The following AK2 variants were observed in gnomAD, a reference collection of about 807,000 sequenced individuals.
AK2 encodes the protein adenylate kinase 2.
In AK2, 15 loss-of-function variants were observed where a neutral mutation model predicts 24.6. The observed-to-expected ratio is 0.61, with a 90% CI of 0.41 to 0.94. The LOEUF (loss-of-function observed/expected upper bound fraction) is 0.94, where lower values mean the gene tolerates loss of function less well. Among genes scored for constraint, AK2 ranks in the 40% least tolerant of loss-of-function variants. The probability of loss-of-function intolerance (pLI) is 0.00; values close to 1 mark genes in which losing one functional copy is unlikely to be tolerated. For missense variants in AK2, 257 were observed against 304.1 expected, an observed-to-expected ratio of 0.85 and a Z score of 1.15; for synonymous variants, 102 against 114.0, an observed-to-expected ratio of 0.90 and a Z score of 0.67.
At position 33,011,593 on chromosome 1, in the gene AK2, T is replaced by C; in HGVS notation, c.*1588A>G. 1 of 1,287,894 alleles carries C rather than the reference T, an allele frequency of 7.8e-7. No individual in the cohort carries two copies. Among genetic ancestry groups the C allele is most frequent in the Non-Finnish European group, 1.0e-6 (1 of 989,294 alleles). 79.8% of individuals were successfully genotyped at this position (1,287,894 alleles called of 1,614,324 possible). A position where few individuals can be genotyped will look rare whatever the true frequency, so the allele number is the denominator to read the frequency against. Reference sequence around the variant, plus strand: ...GCACTTTAGAGTCCACTGAATCGAGTCAGCAGCAGATTATGCTGAGGCTGG... The same window carrying C: ...GCACTTTAGAGTCCACTGAATCGAGCCAGCAGCAGATTATGCTGAGGCTGG... On this transcript the variant is annotated 3_prime_UTR_variant, in exon 6 of 6. Coordinates refer to ENST00000672715, the MANE Select transcript of AK2 (RefSeq NM_001625.4).
intron 1 of AK2, among the ~76,000 whole-genome samples, chr1:33,026,257 G>A (rs1467223579): frequency 6.6e-6 from 1 of 152,034 alleles, no homozygotes; most frequent in Non-Finnish European, 1.5e-5. Context: ...GGAGTGCAGT[G>A]GCACGATCAC....
chr1:33,024,580 A>T lies in AK2; in HGVS notation c.94-13T>A. ...CCAATCTGGGTGCCTACAGAGAGGA[A>T]GACAAAAACCAAGATTCAATTACAT... On this transcript the variant is annotated splice_polypyrimidine_tract_variant and intron_variant, in intron 1 of 5. Transcript: ENST00000672715. 1.2e-5 allele frequency: 19 copies of T among 1,614,150 alleles called. No homozygotes were observed. The highest frequency in any genetic ancestry group is 1.6e-5 in the Non-Finnish European group (19 of 1,179,978).
At chr1:33,020,875 A>G (rs1179002982) in intron 4 of AK2, among the ~76,000 whole-genome samples, 1 of 149,490 alleles carries the variant, frequency 6.7e-6, no homozygotes, top group Non-Finnish European at 1.5e-5. Flanking sequence ...AGCCAGGCAC[A>G]GTGGCTCAAG....
chr1:33,027,443 G>A (rs999344587), intron 1 of AK2, among the ~76,000 whole-genome samples: 13 of 152,034 alleles, frequency 8.6e-5, no homozygotes, highest in Non-Finnish European at 1.8e-4. Flanking sequence ...CACCAATAGG[G>A]AAGAAAACTA....
chr1:33,035,186 G>C (rs1557638179), intron 1 of AK2, among the ~76,000 whole-genome samples: 3 of 152,216 alleles, frequency 2.0e-5, no homozygotes. Flanking sequence ...CAACAACGCT[G>C]AGGATAAAGG....
In AK2 at chr1:33,012,570, G is replaced by A; in HGVS notation, c.*611C>T. 1 of 1,300,514 alleles carries A rather than the reference G, an allele frequency of 7.7e-7. No homozygotes were observed. Among genetic ancestry groups the A allele is most frequent in the Non-Finnish European group, 1.0e-6 (1 of 998,104 alleles). The allele number at this position is 1,300,514 out of a possible 1,614,324, so 80.6% of individuals were successfully genotyped here. ...AGATTACCTGGGTTAGTTCATTTTG[G>A]TCAAAAAATAAAATCAAAAGTATGG... On this transcript the variant is annotated 3_prime_UTR_variant, in exon 6 of 6. Transcript: ENST00000672715.
chr1:33,022,271 G>A (rs1639602590), intron 2 of AK2, among the ~76,000 whole-genome samples: 1 of 151,830 alleles, frequency 6.6e-6, no homozygotes, highest in African/African-American at 2.4e-5. Flanking sequence ...CTGGACATGA[G>A]GAAACAGAGA....
intron 1 of AK2, among the ~76,000 whole-genome samples, chr1:33,025,399 C>G (rs890202940): frequency 6.6e-6 from 1 of 152,090 alleles, no homozygotes; most frequent in Admixed American, 6.6e-5. Flanking sequence ...CAGTTTGCCC[C>G]CAGGCAGAAC....
rs1267300686 is a variant in AK2, at chr1:33,031,026, T to A, written c.93+5710A>T. 7 of 152,222 alleles carry A rather than the reference T, an allele frequency of 4.6e-5. No homozygotes were observed. In the South Asian group the frequency reaches 1.2e-3, roughly 27 times the overall value. The allele number at this position is 152,222 out of a possible 1,614,324, so 9.4% of individuals were successfully genotyped here. On this transcript the variant is annotated intron_variant, in intron 1 of 5. Transcript: ENST00000672715. ...CTTATAGCTTAAGTTGTTTTTTTTT[T>A]AATCACAGAAACCTGTGTTTGCATT...
At chr1:33,016,285 C>A (rs1251102457) in intron 4 of AK2, among the ~76,000 whole-genome samples, 1 of 152,204 alleles carries the variant, frequency 6.6e-6, no homozygotes, top group Non-Finnish European at 1.5e-5. Context: ...GGTCTCTGCT[C>A]ACTGCAAGCT....
chr1:33,026,358 T>C (rs1349826102), intron 1 of AK2, among the ~76,000 whole-genome samples: 2 of 152,212 alleles, frequency 1.3e-5, no homozygotes, highest in African/African-American at 4.8e-5. Flanking sequence ...GCCACGTGCC[T>C]GGCTAATTTT....
chr1:33,027,469 T>C (rs1639966606), intron 1 of AK2, among the ~76,000 whole-genome samples: 1 of 152,076 alleles, frequency 6.6e-6, no homozygotes, highest in Non-Finnish European at 1.5e-5. Flanking sequence ...TGGCTGGGTA[T>C]GGTGGCTCAC....
intron 5 of AK2, 123 bp from the exon 6 acceptor site, chr1:33,013,525 C>A: frequency 6.6e-7 from 1 of 1,523,470 alleles, no homozygotes; most frequent in Admixed American, 2.0e-5. Context: ...CAAAGCCCAT[C>A]AGAGACAAAG....
chr1:33,018,549 G>A (rs1382823903), intron 4 of AK2, among the ~76,000 whole-genome samples: 2 of 152,138 alleles, frequency 1.3e-5, no homozygotes, highest in African/African-American at 2.4e-5. Flanking sequence ...GGCTTCCAGG[G>A]CTAACCCTGC....
In AK2 at chr1:33,011,831, G is replaced by C; in HGVS notation, c.*1350C>G. The C allele has an allele frequency of 6.6e-7, 1 of 1,513,884 alleles. No individual in the cohort carries two copies. Among genetic ancestry groups the C allele is most frequent in the South Asian group, 1.2e-5 (1 of 82,972 alleles). The allele number at this position is 1,513,884 out of a possible 1,614,324, so 93.8% of individuals were successfully genotyped here. A position where few individuals can be genotyped will look rare whatever the true frequency, so the allele number is the denominator to read the frequency against. On this transcript the variant is annotated 3_prime_UTR_variant, in exon 6 of 6. Transcript: ENST00000672715. ...AACTGTCACAGGTGGTCTTATTTCTGGGTGATCTTTTCTTGGGGAAGTCCA... is the reference window on the plus strand; with the variant it reads ...AACTGTCACAGGTGGTCTTATTTCTCGGTGATCTTTTCTTGGGGAAGTCCA...
intron 1 of AK2, 94 bp from the exon 2 acceptor site, chr1:33,024,661 C>A: frequency 1.3e-6 from 2 of 1,532,822 alleles, no homozygotes; most frequent in Non-Finnish European, 9.0e-7. Context: ...CACTTACTGG[C>A]TATGTAAACA....
Position 33,012,895 on chromosome 1 carries a change from C to T in AK2, c.*286G>A. On this transcript the variant is annotated 3_prime_UTR_variant, in exon 6 of 6. Transcript: ENST00000672715. ...CCAGGGTGGCAGAGCGAAACCTTGT[C>T]TCAAAACAACAACAAAAAAGAAGTA... 2.9e-6 allele frequency: 4 copies of T among 1,365,024 alleles called. No homozygotes were observed. Among genetic ancestry groups the T allele is most frequent in the Non-Finnish European group, 3.8e-6 (4 of 1,039,252 alleles). The allele number at this position is 1,365,024 out of a possible 1,614,324, so 84.6% of individuals were successfully genotyped here.
intron 2 of AK2, among the ~76,000 whole-genome samples, chr1:33,023,377 G>C (rs1249291045): frequency 2.0e-5 from 3 of 151,558 alleles, no homozygotes; most frequent in African/African-American, 7.3e-5. Flanking sequence ...AACCAGTGTG[G>C]GCAACACAGT....
At chr1:33,018,116 G>C (rs1639309693) in intron 4 of AK2, among the ~76,000 whole-genome samples, 1 of 152,098 alleles carries the variant, frequency 6.6e-6, no homozygotes, top group South Asian at 2.1e-4. Flanking sequence ...AATTGGGATG[G>C]TACCAGGTAT....
Sources: gnomAD v4.1 joint callset for allele counts (sites outside exome capture counted in the v4.1 genomes callset) on GRCh38, gnomAD v4.1.1 for gene constraint, MANE v1.5 for transcripts, NCBI Gene and HGNC (gene_info 2026-07-23, HGNC 2026-07-21) for gene names.